Variants in PCBP3 observed in about 807,000 individuals in gnomAD.
The protein encoded by PCBP3 is poly(rC)-binding protein 3.
A neutral mutation model predicts 52.7 loss-of-function variants in PCBP3; 25 were observed. The observed-to-expected ratio is 0.47, with a 90% CI of 0.35 to 0.66. The LOEUF is 0.66. Ranked by LOEUF, PCBP3 falls within the 30% of genes least tolerant of loss-of-function variation. The probability of loss-of-function intolerance (pLI) is 0.01; values close to 1 mark genes in which losing one functional copy is unlikely to be tolerated. For synonymous variants in PCBP3, 162 were observed against 183.0 expected (o/e 0.89, Z 0.93); for missense variants, 391 against 490.3 (o/e 0.80, Z 1.91).
chr21:45,838,761 C>T (rs2093641375), intron 4 of PCBP3, among the ~76,000 whole-genome samples: 1 of 151,932 alleles, frequency 6.6e-6, no homozygotes, highest in Non-Finnish European at 1.5e-5. Context: ...TTTTTTCTGT[C>T]TGTATAATAT....
At position 45,827,799 on chromosome 21, in the gene PCBP3, G is replaced by C. The variant is rs960687698; in HGVS notation, c.-125-22162G>C. Among the ~76,000 whole-genome samples the C allele has an allele frequency of 2.6e-5, 4 of 152,198 alleles. No homozygotes were observed. The highest frequency in any genetic ancestry group is 5.9e-5 in the Non-Finnish European group (4 of 68,040). ...AGTTTAAAATGAAAGAGATGGAGGA[G>C]TTGCCAGATTCATACCAACAGGAGA... On this transcript the variant is annotated intron_variant, in intron 4 of 17. Transcript: ENST00000681687. This position sits in a 1 kb window ranked among gnomAD's most constrained non-coding sequence, Gnocchi z 4.3.
At position 45,830,859 on chromosome 21, in the gene PCBP3, G is replaced by A. The variant is rs527268271; in HGVS notation, c.-125-19102G>A. On this transcript the variant is annotated intron_variant, in intron 4 of 17. Transcript: ENST00000681687. This position sits in a 1 kb window ranked among gnomAD's most constrained non-coding sequence, Gnocchi z 4.4. ...GGCCTTCCCAGAAAGGCGGGGAATC[G>A]AGAGTGACGTAGTCACCCTCCACCT... 2 of 152,202 alleles carry A rather than the reference G, an allele frequency of 1.3e-5. No homozygotes were observed. The highest frequency in any genetic ancestry group is 4.8e-5 in the African/African-American group (2 of 41,440). 9.4% of individuals were successfully genotyped at this position (152,202 alleles called of 1,614,324 possible).
chr21:45,930,980 G>T, intron 15 of PCBP3, 135 bp downstream of exon 15: 1 of 1,288,646 alleles, frequency 7.8e-7, no homozygotes, highest in Non-Finnish European at 1.1e-6. Flanking sequence ...CTCAGGTGCT[G>T]CCAAGGGCGT....
At chr21:45,722,770 G>A (rs574095408) in intron 2 of PCBP3, among the ~76,000 whole-genome samples, 3 of 152,226 alleles carry the variant, frequency 2.0e-5, no homozygotes, top group Admixed American at 6.5e-5. Context: ...GGGAGGCCAA[G>A]TGGGGGTGGA....
At chr21:45,892,912 G>T (rs940144588) in intron 5 of PCBP3, among the ~76,000 whole-genome samples, 6 of 152,216 alleles carry the variant, frequency 3.9e-5, no homozygotes, top group African/African-American at 1.4e-4. Context: ...CACTGTGTGA[G>T]CTGGAAATCA....
intron 5 of PCBP3, among the ~76,000 whole-genome samples, chr21:45,876,539 G>A (rs1424796481): frequency 6.6e-6 from 1 of 152,226 alleles, no homozygotes; most frequent in East Asian, 1.9e-4. Flanking sequence ...AGGCCAGGCT[G>A]TGTAAGCCCT....
chr21:45,832,070 C>G lies in PCBP3; in HGVS notation c.-125-17891C>G, dbSNP rs868153654. Among the ~76,000 whole-genome samples the G allele has an allele frequency of 2.0e-5, 3 of 152,296 alleles. No individual in the cohort carries two copies. In the South Asian group the frequency reaches 6.2e-4, roughly 32 times the overall value. On this transcript the variant is annotated intron_variant, in intron 4 of 17. Coordinates refer to ENST00000681687, the MANE Select transcript of PCBP3 (RefSeq NM_001384156.1). ...AATGGCTACTTCATACGCAGAGCAG[C>G]CCCGAGGGCTGCTGGTGCCCATTTT...
chr21:45,912,472 C>T (rs2096415533), intron 11 of PCBP3, among the ~76,000 whole-genome samples: 1 of 152,198 alleles, frequency 6.6e-6, no homozygotes, highest in Non-Finnish European at 1.5e-5. Flanking sequence ...TGGTAGTGGG[C>T]ATGCCTCACC....
At chr21:45,912,521 G>A (rs941890127) in intron 11 of PCBP3, among the ~76,000 whole-genome samples, 2 of 152,274 alleles carry the variant, frequency 1.3e-5, no homozygotes, top group African/African-American at 2.4e-5. Context: ...GCTGCCCAGG[G>A]TGCCATGAGT....
intron 13 of PCBP3, among the ~76,000 whole-genome samples, chr21:45,925,287 GT>G (rs2075247767): frequency 6.6e-6 from 1 of 152,214 alleles, no homozygotes; most frequent in East Asian, 1.9e-4. Context: ...CAACGCACAT[GT>G]TAAAGTTTCA....
intron 2 of PCBP3, among the ~76,000 whole-genome samples, chr21:45,682,968 AG>A (rs773391003): frequency 8.5e-5 from 13 of 152,204 alleles, no homozygotes; most frequent in Non-Finnish European, 1.6e-4. Context: ...AAGAGTACCA[AG>A]AACCTAACCC....
At chr21:45,651,422 C>G (rs2079676779) in intron 1 of PCBP3, among the ~76,000 whole-genome samples, 1 of 152,132 alleles carries the variant, frequency 6.6e-6, no homozygotes, top group African/African-American at 2.4e-5. Flanking sequence ...AATCTTAGCA[C>G]AAAAGGATAT....
intron 3 of PCBP3, among the ~76,000 whole-genome samples, chr21:45,753,672 T>G (rs2087757994): frequency 6.6e-6 from 1 of 152,216 alleles, no homozygotes; most frequent in Non-Finnish European, 1.5e-5. Flanking sequence ...ACTCATTAGT[T>G]TTCTCCTTCA....
At chr21:45,676,925 C>T (rs2081504793) in intron 2 of PCBP3, among the ~76,000 whole-genome samples, 1 of 152,048 alleles carries the variant, frequency 6.6e-6, no homozygotes, top group South Asian at 2.1e-4. Context: ...ATGCATGCCA[C>T]CATGCCTAGC....
chr21:45,666,134 A>G (rs2080778769), intron 1 of PCBP3, among the ~76,000 whole-genome samples: 1 of 152,196 alleles, frequency 6.6e-6, no homozygotes. Context: ...AATTCAAACC[A>G]TTTATGAAAG....
chr21:45,708,532 G>T (rs2083606181), intron 2 of PCBP3, among the ~76,000 whole-genome samples: 1 of 152,104 alleles, frequency 6.6e-6, no homozygotes, highest in Non-Finnish European at 1.5e-5. Flanking sequence ...TAAAATTCAG[G>T]AAACAAAGTG....
chr21:45,806,901 C>A (rs768252679), intron 4 of PCBP3, among the ~76,000 whole-genome samples: 1 of 152,318 alleles, frequency 6.6e-6, no homozygotes, highest in Non-Finnish European at 1.5e-5. Context: ...AGCTCCTTGT[C>A]ATTGGCTCCT....
chr21:45,680,718 A>G (rs1021548137), intron 2 of PCBP3, among the ~76,000 whole-genome samples: 1 of 152,228 alleles, frequency 6.6e-6, no homozygotes, highest in Admixed American at 6.5e-5. Context: ...TAGAATTTCC[A>G]GCACTACGTG....
At chr21:45,703,812 A>T (rs921207114) in intron 2 of PCBP3, among the ~76,000 whole-genome samples, 5 of 152,154 alleles carry the variant, frequency 3.3e-5, no homozygotes, top group African/African-American at 1.2e-4. Context: ...GGGCTTGCTC[A>T]TGAACATGCA....
Sources: gnomAD v4.1 joint callset for allele counts (sites outside exome capture counted in the v4.1 genomes callset) on GRCh38, gnomAD v4.1.1 for gene constraint, Gnocchi (gnomAD v3.1) non-coding constraint, MANE v1.5 for transcripts, NCBI Gene and HGNC (gene_info 2026-07-23, HGNC 2026-07-21) for gene names.